UMAD1: variants seen among roughly 807,000 people sequenced by gnomAD.
The protein encoded by UMAD1 is UBAP1-MVB12-associated (UMA)-domain containing protein 1.
UMAD1 carries 8 observed loss-of-function variants against 6.1 expected under a neutral mutation model. The observed-to-expected ratio is 1.30, with a 90% CI of 0.76 to 2.35. UMAD1 has a LOEUF of 2.35. Among genes scored for constraint, UMAD1 ranks in the 30% most tolerant of loss-of-function variants. UMAD1 has a pLI of 0.00. For synonymous variants in UMAD1, 56 were observed against 31.4 expected, an observed-to-expected ratio of 1.78 and a Z score of -2.61; for missense variants, 130 against 78.4, an observed-to-expected ratio of 1.66 and a Z score of -2.49.
intron 1 of UMAD1, among the ~76,000 whole-genome samples, chr7:7,669,652 T>C (rs928745340): frequency 6.6e-6 from 1 of 152,200 alleles, no homozygotes; most frequent in Non-Finnish European, 1.5e-5. Flanking sequence ...AAGACTCTTA[T>C]TGTAAACTAG....
chr7:7,721,768 T>C (rs1287162473), intron 2 of UMAD1, among the ~76,000 whole-genome samples: 3 of 152,182 alleles, frequency 2.0e-5, no homozygotes, highest in Admixed American at 6.5e-5. Context: ...CTGTGATGGT[T>C]AATACTGAGT....
chr7:7,716,929 A>C (rs182896712), intron 2 of UMAD1, among the ~76,000 whole-genome samples: 2 of 152,126 alleles, frequency 1.3e-5, no homozygotes, highest in African/African-American at 4.8e-5. Flanking sequence ...CTCGTGCCCT[A>C]TGTAAATCAG....
chr7:7,761,663 G>A (rs1308620296), intron 2 of UMAD1, among the ~76,000 whole-genome samples: 1 of 152,104 alleles, frequency 6.6e-6, no homozygotes, highest in Admixed American at 6.5e-5. Context: ...ACTTATTATT[G>A]GGGAATAGAT....
intron 2 of UMAD1, among the ~76,000 whole-genome samples, chr7:7,740,384 T>C (rs1045930200): frequency 1.2e-4 from 19 of 152,266 alleles, no homozygotes; most frequent in African/African-American, 3.9e-4. Context: ...CAAGATTACT[T>C]TGTCTATAAA....
Position 7,669,205 on chromosome 7 carries a change from G to C in UMAD1, c.-63-4104G>C, listed in dbSNP as rs540306666. ...TATTGTTGGTTTCAGGTGTCTACTTGGGATCTTGGAACATGTCCCCCATGG... is the reference window on the plus strand; with the variant it reads ...TATTGTTGGTTTCAGGTGTCTACTTCGGATCTTGGAACATGTCCCCCATGG... On this transcript the variant is annotated intron_variant, in intron 1 of 3. Coordinates refer to ENST00000682710, the MANE Select transcript of UMAD1 (RefSeq NM_001302348.2). Among the ~76,000 whole-genome samples, 7 of 152,170 alleles carry C rather than the reference G, an allele frequency of 4.6e-5. No individual in the cohort carries two copies. The East Asian group carries it at 1.4e-3, about 29-fold the overall frequency.
chr7:7,835,920 A>G (rs1037210650), intron 3 of UMAD1, among the ~76,000 whole-genome samples: 1 of 151,982 alleles, frequency 6.6e-6, no homozygotes, highest in African/African-American at 2.4e-5. Context: ...ACATAAGTGG[A>G]TATTTTTACA....
chr7:7,764,396 T>C (rs1354761114), intron 2 of UMAD1, among the ~76,000 whole-genome samples: 1 of 152,202 alleles, frequency 6.6e-6, no homozygotes, highest in East Asian at 1.9e-4. Context: ...AAATAAAATA[T>C]CTTTGCTTCG....
rs58039932 is a variant in UMAD1, at chr7:7,777,574, A to AATATATATATAT, written c.83-24079_83-24068dup. Among the ~76,000 whole-genome samples the AATATATATATAT allele has an allele frequency of 7.7e-3, 878 of 113,488 alleles. 22 individuals carry two copies. Among genetic ancestry groups the AATATATATATAT allele is most frequent in the East Asian group, 0.024 (103 of 4,342 alleles). The allele number at this position is 113,488 out of a possible 152,430, so 74.5% of individuals were successfully genotyped here. The stretch of plus-strand genomic sequence containing the variant: ...ATTTATGTCATTTCATACATGAGCA[A>AATATATATATAT]ATATATATATATATATATATATATA... On this transcript the variant is annotated intron_variant, in intron 2 of 3. Transcript: ENST00000682710.
chr7:7,759,505 C>G (rs936177920), intron 2 of UMAD1, among the ~76,000 whole-genome samples: 2 of 152,190 alleles, frequency 1.3e-5, no homozygotes, highest in African/African-American at 4.8e-5. Flanking sequence ...ACGGGGCTTA[C>G]AGCATTCTAT....
intron 1 of UMAD1, among the ~76,000 whole-genome samples, chr7:7,662,055 A>G (rs1785487679): frequency 6.6e-6 from 1 of 152,038 alleles, no homozygotes; most frequent in Non-Finnish European, 1.5e-5. Context: ...GGCTTTGCTG[A>G]GCTGTGGAGG....
At chr7:7,664,081 G>A (rs1464564856) in intron 1 of UMAD1, among the ~76,000 whole-genome samples, 4 of 152,134 alleles carry the variant, frequency 2.6e-5, no homozygotes, top group Non-Finnish European at 5.9e-5. Flanking sequence ...TGTAAACATC[G>A]TGAATTTCTT....
chr7:7,871,104 A>C (rs1244233875), intron 3 of UMAD1, among the ~76,000 whole-genome samples: 1 of 152,146 alleles, frequency 6.6e-6, no homozygotes, highest in Non-Finnish European at 1.5e-5. Flanking sequence ...CTGCTGGTAG[A>C]TTCATTTCCA....
At chr7:7,763,270 T>C (rs1050110522) in intron 2 of UMAD1, among the ~76,000 whole-genome samples, 17 of 152,222 alleles carry the variant, frequency 1.1e-4, no homozygotes, top group Admixed American at 6.5e-5. Context: ...AATTAAATTT[T>C]AGCCTGTATT....
intron 3 of UMAD1, among the ~76,000 whole-genome samples, chr7:7,814,984 A>G (rs1466601852): frequency 6.6e-6 from 1 of 152,206 alleles, no homozygotes; most frequent in Non-Finnish European, 1.5e-5. Context: ...TACTTGTCAC[A>G]TCAGCCACTT....
intron 2 of UMAD1, among the ~76,000 whole-genome samples, chr7:7,690,741 G>T (rs992388925): frequency 6.6e-6 from 1 of 152,100 alleles, no homozygotes; most frequent in African/African-American, 2.4e-5. Context: ...TACCTTATAT[G>T]AGTTGCCAAA....
intron 2 of UMAD1, among the ~76,000 whole-genome samples, chr7:7,716,682 A>T: frequency 6.6e-6 from 1 of 152,236 alleles, no homozygotes; most frequent in East Asian, 1.9e-4. Context: ...GCGGTGGCTC[A>T]CGCCTGTCAT....
At chr7:7,666,242 C>T (rs1779453055) in intron 1 of UMAD1, among the ~76,000 whole-genome samples, 1 of 152,088 alleles carries the variant, frequency 6.6e-6, no homozygotes. Context: ...ATAGCCCTGT[C>T]ACCCAGGCTG....
At chr7:7,852,929 T>G (rs558206697) in intron 3 of UMAD1, among the ~76,000 whole-genome samples, 33 of 152,326 alleles carry the variant, frequency 2.2e-4, no homozygotes, top group Non-Finnish European at 3.4e-4. Flanking sequence ...GTGCAGCATT[T>G]CTTTCTTCAG....
At chr7:7,654,518 G>A (rs558721738) in intron 1 of UMAD1, among the ~76,000 whole-genome samples, 91 of 152,260 alleles carry the variant, frequency 6.0e-4, no homozygotes, top group African/African-American at 2.0e-3. Context: ...TTTATTAAAT[G>A]GTATAGTATT....
Sources: gnomAD v4.1 joint callset for allele counts (sites outside exome capture counted in the v4.1 genomes callset) on GRCh38, gnomAD v4.1.1 for gene constraint, MANE v1.5 for transcripts, NCBI Gene and HGNC (gene_info 2026-07-23, HGNC 2026-07-21) for gene names.